Variants in SMYD3 observed in about 807,000 individuals in gnomAD.
The protein encoded by SMYD3 is SET and MYND domain containing 3.
In SMYD3, 36 loss-of-function variants were observed where a neutral mutation model predicts 57.7. The observed-to-expected ratio is 0.62, with a 90% CI of 0.48 to 0.82. The LOEUF (loss-of-function observed/expected upper bound fraction) is 0.82. Ranked by LOEUF, SMYD3 falls within the 40% of genes least tolerant of loss-of-function variation. SMYD3 has a pLI of 0.00. For missense variants in SMYD3, 515 were observed against 538.8 expected, an observed-to-expected ratio of 0.96 and a Z score of 0.44; for synonymous variants, 211 against 195.0, an observed-to-expected ratio of 1.08 and a Z score of -0.68.
At chr1:245,788,624 G>A (rs1448446040) in intron 10 of SMYD3, among the ~76,000 whole-genome samples, 4 of 152,194 alleles carry the variant, frequency 2.6e-5, no homozygotes, top group African/African-American at 9.7e-5. Context: ...CAAGCTCTAA[G>A]CCCCTCAGCT....
intron 3 of SMYD3, 41 bp downstream of exon 3, chr1:246,335,326 T>A: frequency 6.4e-7 from 1 of 1,571,964 alleles, no homozygotes; most frequent in Non-Finnish European, 8.8e-7. Flanking sequence ...ATATGTTTAT[T>A]TAACCAAAAC....
At chr1:246,239,704 C>A (rs1266003105) in intron 5 of SMYD3, among the ~76,000 whole-genome samples, 1 of 152,180 alleles carries the variant, frequency 6.6e-6, no homozygotes, top group African/African-American at 2.4e-5. Flanking sequence ...TACAGTCCCA[C>A]CAACAGTGTA....
intron 1 of SMYD3, among the ~76,000 whole-genome samples, chr1:246,500,361 T>C (rs1317205036): frequency 6.6e-6 from 1 of 152,164 alleles, no homozygotes; most frequent in Non-Finnish European, 1.5e-5. Context: ...AGCCCATTGC[T>C]CTAATTCTTT....
At chr1:246,326,406 A>C in intron 5 of SMYD3, 1 of 517,582 alleles carries the variant, frequency 1.9e-6, no homozygotes, top group South Asian at 1.8e-5. Context: ...CTAGTGAAGA[A>C]AAAAAAAAAT....
intron 3 of SMYD3, among the ~76,000 whole-genome samples, chr1:246,333,034 G>A (rs1055950475): frequency 3.9e-5 from 6 of 152,210 alleles, no homozygotes; most frequent in Admixed American, 6.5e-5. Context: ...AGAACAAGTG[G>A]ACTTTTTTTT....
At chr1:246,273,064 A>T in intron 5 of SMYD3, among the ~76,000 whole-genome samples, 1 of 144,062 alleles carries the variant, frequency 6.9e-6, no homozygotes, top group African/African-American at 2.9e-5. Flanking sequence ...ATTTGTTGTC[A>T]TACAACTCTT....
At chr1:246,453,009 T>G (rs2067653328) in intron 1 of SMYD3, among the ~76,000 whole-genome samples, 1 of 152,242 alleles carries the variant, frequency 6.6e-6, no homozygotes, top group Non-Finnish European at 1.5e-5. Flanking sequence ...TATGTGAGTT[T>G]TATTTATTTA....
At chr1:246,056,637 C>T (rs185612818) in intron 5 of SMYD3, among the ~76,000 whole-genome samples, 3 of 142,874 alleles carry the variant, frequency 2.1e-5, no homozygotes, top group Admixed American at 2.1e-4. Context: ...GCACTATCAA[C>T]AAGATAAAAA....
intron 5 of SMYD3, among the ~76,000 whole-genome samples, chr1:246,256,447 T>C (rs542882566): frequency 1.2e-4 from 19 of 152,314 alleles, no homozygotes; most frequent in Admixed American, 9.1e-4. Flanking sequence ...CCATTTCCTC[T>C]AGATTTTCTA....
intron 11 of SMYD3, among the ~76,000 whole-genome samples, chr1:245,751,580 G>C (rs1393224769): frequency 0.14 from 18,898 of 138,378 alleles, 1,777 homozygotes; most frequent in African/African-American, 0.32. Flanking sequence ...GAAAGAGAAA[G>C]AGAGAGAGAG....
At chr1:245,857,272 C>T (rs55968498) in intron 10 of SMYD3, among the ~76,000 whole-genome samples, 84,543 of 152,126 alleles carry the variant, frequency 0.56, 26,683 homozygotes, top group Non-Finnish European at 0.73. Flanking sequence ...GAGCCTCTGC[C>T]GTCTTCGGGG....
At chr1:245,796,047 C>A (rs2047507418) in intron 10 of SMYD3, among the ~76,000 whole-genome samples, 2 of 152,144 alleles carry the variant, frequency 1.3e-5, no homozygotes, top group Non-Finnish European at 2.9e-5. Context: ...GGCCACACTT[C>A]TTTTTGGTAA....
At chr1:246,267,036 T>C (rs1380340910) in intron 5 of SMYD3, among the ~76,000 whole-genome samples, 2 of 152,226 alleles carry the variant, frequency 1.3e-5, no homozygotes, top group African/African-American at 4.8e-5. Context: ...GCCTGGCAAA[T>C]ATCTTGCCCC....
Position 246,158,020 on chromosome 1 carries a change from C to G in SMYD3, c.531+169181G>C, listed in dbSNP as rs1572126863. On this transcript the variant is annotated intron_variant, in intron 5 of 11. Coordinates refer to ENST00000490107, the MANE Select transcript of SMYD3 (RefSeq NM_001167740.2). ...TTGAATGGACAGTTGCAGGTGCAAA[C>G]TGAGAGGTAAACAGACCTTTAAATA... Among the ~76,000 whole-genome samples the G allele has an allele frequency of 2.0e-5, 3 of 152,162 alleles. No homozygotes were observed. In the East Asian group the frequency reaches 5.8e-4, roughly 29 times the overall value.
chr1:245,761,784 G>GTTTTT (rs1203397369), intron 11 of SMYD3, among the ~76,000 whole-genome samples: 5 of 114,442 alleles, frequency 4.4e-5, no homozygotes, highest in African/African-American at 2.7e-4. Context: ...ACCATATTGA[G>GTTTTT]TCTTTTTTTT....
intron 5 of SMYD3, chr1:246,113,963 T>C (rs1206735810): frequency 1.3e-5 from 2 of 152,124 alleles, no homozygotes; most frequent in Non-Finnish European, 2.9e-5. Context: ...CCTGTAAACC[T>C]ATTTAGGAAT....
At chr1:245,815,545 T>C (rs2148310189) in intron 10 of SMYD3, among the ~76,000 whole-genome samples, 2 of 152,358 alleles carry the variant, frequency 1.3e-5, no homozygotes, top group Middle Eastern at 3.4e-3. Flanking sequence ...CTGATGCATA[T>C]TAAGACTTGA....
chr1:246,032,982 G>C (rs1026466543), intron 5 of SMYD3, among the ~76,000 whole-genome samples: 1 of 152,114 alleles, frequency 6.6e-6, no homozygotes, highest in Non-Finnish European at 1.5e-5. Flanking sequence ...TTTAGGGATC[G>C]CTGCAAGTTG....
chr1:246,132,952 A>T (rs1378493387), intron 5 of SMYD3, among the ~76,000 whole-genome samples: 1 of 152,130 alleles, frequency 6.6e-6, no homozygotes, highest in Non-Finnish European at 1.5e-5. Flanking sequence ...CACATTCACT[A>T]GGATGGCTAC....
Sources: gnomAD v4.1 joint callset for allele counts (sites outside exome capture counted in the v4.1 genomes callset) on GRCh38, gnomAD v4.1.1 for gene constraint, MANE v1.5 for transcripts, NCBI Gene and HGNC (gene_info 2026-07-23, HGNC 2026-07-21) for gene names.